ZNF236: variants seen among roughly 807,000 people sequenced by gnomAD.
ZNF236 encodes the protein zinc finger protein 236.
A neutral mutation model predicts 191.2 loss-of-function variants in ZNF236; 50 were observed. The observed-to-expected ratio is 0.26, with a 90% CI of 0.21 to 0.33. The LOEUF (loss-of-function observed/expected upper bound fraction) is 0.33. Among genes scored for constraint, ZNF236 ranks in the 10% least tolerant of loss-of-function variants. The pLI is 1.00. For missense variants in ZNF236, 1,754 were observed against 2,374.5 expected, an observed-to-expected ratio of 0.74 and a Z score of 5.43; for synonymous variants, 907 against 928.8, an observed-to-expected ratio of 0.98 and a Z score of 0.43.
Position 76,910,684 on chromosome 18 carries a change from A to G in ZNF236, c.2678A>G (p.His893Arg), listed in dbSNP as rs1967193931. The G allele has an allele frequency of 2.5e-6, 4 of 1,614,118 alleles. No homozygotes were observed. The highest frequency in any genetic ancestry group is 2.2e-5 in the South Asian group (2 of 91,088). ...GGTTTTACAGTGACTGATACGTACC[A>G]TCAGCAGCCTCAGTTTCCACCTGTC... is the stretch of plus-strand genomic sequence containing the variant. ...PQGFTVTDTY[H>R]QQPQFPPVQQ... The change falls in exon 16 of 31, where the codon CAT (histidine) becomes CGT (arginine). Residue 893 changes from histidine (H) to arginine (R), a missense_variant. Physicochemically the swap from His to Arg is conservative, Grantham distance 29 (BLOSUM62 0). Transcript: ENST00000320610.
At chr18:76,837,437 C>CTTTTTTTTTTT (rs71760598) in intron 1 of ZNF236, among the ~76,000 whole-genome samples, 12 of 105,852 alleles carry the variant, frequency 1.1e-4, no homozygotes, top group African/African-American at 3.4e-4. Context: ...TTTTCTTTTT[C>CTTTTTTTTTTT]TTTTTTTTTT....
chr18:76,942,217 G>T (rs1269853364), intron 26 of ZNF236, among the ~76,000 whole-genome samples: 2 of 152,192 alleles, frequency 1.3e-5, no homozygotes, highest in African/African-American at 4.8e-5. Context: ...CGGACTAATA[G>T]CACGGGGAAG....
In ZNF236 at chr18:76,960,996, G is replaced by A. The variant is rs1968653566; in HGVS notation, c.5419+141G>A. ...CCTCAGTTGTGTGGACTGGAAGCTT[G>A]TGCTTTATTTTATTTTTTGATTTCC... On this transcript the variant is annotated intron_variant, in intron 30 of 30. Transcript: ENST00000320610. The surrounding 1 kb of genome is among the most constrained non-coding windows in gnomAD (Gnocchi z 4.4). 3 of 963,088 alleles carry A rather than the reference G, an allele frequency of 3.1e-6. No homozygotes were observed. The highest frequency in any genetic ancestry group is 3.0e-6 in the Non-Finnish European group (2 of 670,598). The allele number at this position is 963,088 out of a possible 1,614,324, so 59.7% of individuals were successfully genotyped here.
At chr18:76,913,625 T>C (rs1387595420) in intron 17 of ZNF236, 122 bp from the exon 18 acceptor site, 1 of 974,654 alleles carries the variant, frequency 1.0e-6, no homozygotes, top group Non-Finnish European at 1.5e-6. Context: ...TCTATAACAG[T>C]TGTGCCTAAA....
chr18:76,959,609 A>G, intron 28 of ZNF236, 78 bp from the exon 29 acceptor site: 2 of 1,504,128 alleles, frequency 1.3e-6, no homozygotes, highest in South Asian at 1.4e-5. Context: ...TGAACTTTGC[A>G]GTGATTTGCT....
At chr18:76,892,108 G>A (rs1439863343) in intron 9 of ZNF236, among the ~76,000 whole-genome samples, 2 of 149,342 alleles carry the variant, frequency 1.3e-5, no homozygotes, top group Non-Finnish European at 3.0e-5. Flanking sequence ...CCAAAGAATA[G>A]GGTATGCATT....
chr18:76,881,495 A>C lies in ZNF236; in HGVS notation c.1400A>C (p.Lys467Thr). ...DKKEKKMIKKKSPFLPGSIRE... is the reference protein window; with the variant it reads ...DKKEKKMIKKTSPFLPGSIRE... ...AAAGAAAAAAAAATGATAAAGAAGA[A>C]GTCACCGTTTCTACCTGGTAATTTT... Residue 467 changes from lysine (K) to threonine (T), a missense_variant, in exon 9 of 31, where the codon AAG becomes ACG. Transcript: ENST00000320610. 1 of 1,611,960 alleles carries C rather than the reference A, an allele frequency of 6.2e-7. No homozygotes were observed. Among genetic ancestry groups the C allele is most frequent in the Non-Finnish European group, 8.5e-7 (1 of 1,179,516 alleles).
intron 1 of ZNF236, chr18:76,824,289 G>A (rs554233333): frequency 5.1e-6 from 4 of 780,918 alleles, no homozygotes; most frequent in Non-Finnish European, 9.6e-6. Flanking sequence ...ACTTGGTAGA[G>A]TTAACACACG....
intron 30 of ZNF236, among the ~76,000 whole-genome samples, chr18:76,962,034 T>C (rs1251205555): frequency 6.6e-6 from 1 of 152,252 alleles, no homozygotes; most frequent in Non-Finnish European, 1.5e-5. Context: ...TTTAGTCTGC[T>C]GACTGTTCCT....
chr18:76,850,728 G>A (rs1016861068), intron 2 of ZNF236, among the ~76,000 whole-genome samples: 4 of 151,762 alleles, frequency 2.6e-5, no homozygotes, highest in East Asian at 3.9e-4. Context: ...TCAGCTTCCC[G>A]AGTAGCTGGG....
At position 76,915,827 on chromosome 18, in the gene ZNF236, C is replaced by G; in HGVS notation, c.3242C>G (p.Ala1081Gly). 2 of 1,614,068 alleles carry G rather than the reference C, an allele frequency of 1.2e-6. No individual in the cohort carries two copies. Among genetic ancestry groups the G allele is most frequent in the Non-Finnish European group, 1.7e-6 (2 of 1,179,928 alleles). Residue 1081 changes from alanine (A) to glycine (G), a missense_variant, in exon 19 of 31, where the codon GCT (alanine) becomes GGT (glycine). By Grantham distance (60) the Ala-to-Gly change is moderately conservative (BLOSUM62 0). Coordinates refer to ENST00000320610, the MANE Select transcript of ZNF236 (RefSeq NM_001306089.2). ...AAGAGACACCAAACAGTCCCCTCTG[C>G]TGTGTCAGCCACTGGAGAGACAGAA... ...HMKRHQTVPS[A>G]VSATGETEGG...
At chr18:76,829,216 GT>G (rs1347462828) in intron 1 of ZNF236, among the ~76,000 whole-genome samples, 2 of 152,032 alleles carry the variant, frequency 1.3e-5, no homozygotes, top group Non-Finnish European at 2.9e-5. Flanking sequence ...AAGTAGCAGT[GT>G]TTTTCAAGCT....
At chr18:76,844,910 A>G (rs1001672887) in intron 1 of ZNF236, among the ~76,000 whole-genome samples, 1 of 152,230 alleles carries the variant, frequency 6.6e-6, no homozygotes, top group African/African-American at 2.4e-5. Flanking sequence ...GCCTGAATAC[A>G]GTCATGGAAT....
Position 76,969,053 on chromosome 18 carries a change from C to A in ZNF236, c.*714C>A. ...ACACGGGCTGGCGACACACTTACCG[C>A]ATCAATCTGTGTTCAGGTCCAGGGT... On this transcript the variant is annotated 3_prime_UTR_variant, in exon 31 of 31. Transcript: ENST00000320610. 1.2e-6 allele frequency: 1 copy of A among 860,274 alleles called. No homozygotes were observed. Among genetic ancestry groups the A allele is most frequent in the Non-Finnish European group, 1.4e-6 (1 of 715,138 alleles). 53.3% of individuals were successfully genotyped at this position (860,274 alleles called of 1,614,324 possible).
intron 20 of ZNF236, among the ~76,000 whole-genome samples, chr18:76,921,752 T>TC (rs1292217733): frequency 1.4e-5 from 2 of 147,060 alleles, no homozygotes; most frequent in East Asian, 4.0e-4. Flanking sequence ...TTTTTTTTTT[T>TC]TTTTTTTGAG....
chr18:76,939,770 C>A (rs1305545549), intron 26 of ZNF236, among the ~76,000 whole-genome samples: 1 of 151,836 alleles, frequency 6.6e-6, no homozygotes, highest in African/African-American at 2.4e-5. Context: ...GCGACCCTAG[C>A]ACTGCATTTG....
In ZNF236 at chr18:76,956,199, A is replaced by G. The variant is rs1568246931; in HGVS notation, c.5112+17A>G. On this transcript the variant is annotated intron_variant, in intron 28 of 30. Coordinates refer to ENST00000320610, the MANE Select transcript of ZNF236 (RefSeq NM_001306089.2). Reference sequence around the variant, plus strand: ...CACCTCAAGGTAGGCCCACTGTGCCAGGGCACAGCTGTGTGCCCCCCAGGC... The same window carrying G: ...CACCTCAAGGTAGGCCCACTGTGCCGGGGCACAGCTGTGTGCCCCCCAGGC... 6.5e-7 allele frequency: 1 copy of G among 1,542,594 alleles called. No individual in the cohort carries two copies. Among genetic ancestry groups the G allele is most frequent in the East Asian group, 2.4e-5 (1 of 40,968 alleles).
chr18:76,866,176 C>A (rs1008615271), intron 3 of ZNF236, among the ~76,000 whole-genome samples: 1 of 152,200 alleles, frequency 6.6e-6, no homozygotes, highest in Non-Finnish European at 1.5e-5. Context: ...TGCATGCCCA[C>A]ACACACTCAA....
chr18:76,956,948 C>T (rs1423240074), intron 28 of ZNF236, among the ~76,000 whole-genome samples: 1 of 152,230 alleles, frequency 6.6e-6, no homozygotes, highest in East Asian at 1.9e-4. Context: ...CTGCTTCTGT[C>T]CTTGGCAGTG....
Sources: gnomAD v4.1 joint callset for allele counts (sites outside exome capture counted in the v4.1 genomes callset) on GRCh38, gnomAD v4.1.1 for gene constraint, Gnocchi (gnomAD v3.1) non-coding constraint, MANE v1.5 for transcripts, NCBI Gene and HGNC (gene_info 2026-07-23, HGNC 2026-07-21) for gene names.